ZFYVE9: variants seen among roughly 807,000 people sequenced by gnomAD.
ZFYVE9 encodes zinc finger FYVE domain-containing protein 9.
ZFYVE9 carries 43 observed loss-of-function variants against 126.7 expected under a neutral mutation model. The ratio of observed to expected loss-of-function variants is 0.34; its 90% CI spans 0.27 to 0.44. ZFYVE9 has a LOEUF of 0.44. Ranked by LOEUF, ZFYVE9 falls within the 20% of genes least tolerant of loss-of-function variation. ZFYVE9 has a pLI of 1.00. For missense variants in ZFYVE9, 1,476 were observed against 1,697.0 expected (o/e 0.87, Z 2.29); for synonymous variants, 521 against 597.4 (o/e 0.87, Z 1.87).
chr1:52,316,165 CAAAAAAAA>C (rs367815611), intron 13 of ZFYVE9, among the ~76,000 whole-genome samples: 5 of 39,218 alleles, frequency 1.3e-4, no homozygotes, highest in Non-Finnish European at 2.2e-4. Flanking sequence ...AACTCCATCT[CAAAAAAAA>C]AAAAAAAAAA....
intron 2 of ZFYVE9, among the ~76,000 whole-genome samples, chr1:52,232,419 G>A (rs138116022): frequency 3.3e-5 from 5 of 152,066 alleles, no homozygotes; most frequent in Admixed American, 2.0e-4. Flanking sequence ...AATGGTACTC[G>A]AAGAGGGTTA....
chr1:52,274,346 C>A, intron 7 of ZFYVE9, 118 bp from the exon 8 acceptor site: 3 of 1,264,848 alleles, frequency 2.4e-6, no homozygotes, highest in Non-Finnish European at 3.2e-6. Flanking sequence ...TTTTGTGCTA[C>A]CTTTCAAAAA....
intron 13 of ZFYVE9, among the ~76,000 whole-genome samples, chr1:52,324,030 GC>G (rs1264564549): frequency 1.3e-5 from 2 of 151,142 alleles, no homozygotes; most frequent in Non-Finnish European, 2.9e-5. Flanking sequence ...TTGCACTCCA[GC>G]CTGGGCAACA....
intron 1 of ZFYVE9, among the ~76,000 whole-genome samples, chr1:52,161,285 GTATTT>G (rs1268937701): frequency 1.3e-5 from 2 of 152,022 alleles, no homozygotes; most frequent in East Asian, 1.9e-4. Context: ...TTTGACAGAT[GTATTT>G]TATTTTATTT....
intron 3 of ZFYVE9, among the ~76,000 whole-genome samples, chr1:52,236,800 C>T (rs1379569914): frequency 6.6e-6 from 1 of 152,116 alleles, no homozygotes; most frequent in Non-Finnish European, 1.5e-5. Flanking sequence ...CTTTTTTTAA[C>T]ATGTGTTGGG....
chr1:52,181,644 C>T (rs1323013756), intron 1 of ZFYVE9, among the ~76,000 whole-genome samples: 1 of 151,938 alleles, frequency 6.6e-6, no homozygotes. Flanking sequence ...TGAGGAGCGC[C>T]TCTTCCCGGC....
chr1:52,211,610 C>T (rs1199487283), intron 1 of ZFYVE9, among the ~76,000 whole-genome samples: 1 of 152,114 alleles, frequency 6.6e-6, no homozygotes, highest in East Asian at 1.9e-4. Flanking sequence ...GAGGCTGAGG[C>T]CGGAGGAACA....
At chr1:52,225,282 A>G (rs1645159605) in intron 2 of ZFYVE9, among the ~76,000 whole-genome samples, 1 of 152,206 alleles carries the variant, frequency 6.6e-6, no homozygotes, top group South Asian at 2.1e-4. Context: ...TGGGGCCACC[A>G]CAACGAGGCA....
chr1:52,271,157 G>A (rs1645688351), intron 7 of ZFYVE9, among the ~76,000 whole-genome samples: 1 of 152,088 alleles, frequency 6.6e-6, no homozygotes, highest in Admixed American at 6.6e-5. Context: ...TGTATGATGG[G>A]TTCTTAAACT....
At chr1:52,312,928 A>G (rs1243583216) in intron 13 of ZFYVE9, among the ~76,000 whole-genome samples, 1 of 152,220 alleles carries the variant, frequency 6.6e-6, no homozygotes, top group Non-Finnish European at 1.5e-5. Context: ...AAGGTAATCA[A>G]GTTTAAATGA....
At chr1:52,328,055 G>C (rs757556421) in intron 13 of ZFYVE9, among the ~76,000 whole-genome samples, 23 of 152,082 alleles carry the variant, frequency 1.5e-4, no homozygotes, top group Non-Finnish European at 2.9e-4. Flanking sequence ...TCAGGAAGTA[G>C]TCCTACATGT....
intron 11 of ZFYVE9, among the ~76,000 whole-genome samples, chr1:52,294,979 G>A (rs1187712701): frequency 6.6e-6 from 1 of 152,210 alleles, no homozygotes; most frequent in East Asian, 1.9e-4. Flanking sequence ...GGCCAAGGCA[G>A]GCAGATCATT....
chr1:52,202,698 T>G (rs1644935325), intron 1 of ZFYVE9, among the ~76,000 whole-genome samples: 1 of 152,040 alleles, frequency 6.6e-6, no homozygotes, highest in Non-Finnish European at 1.5e-5. Flanking sequence ...ATTTATTTAT[T>G]TTTTTGAGAT....
chr1:52,316,297 C>G (rs1454350828), intron 13 of ZFYVE9, among the ~76,000 whole-genome samples: 1 of 151,412 alleles, frequency 6.6e-6, no homozygotes, highest in African/African-American at 2.4e-5. Flanking sequence ...ACCAGCCTGG[C>G]CAACATGGTG....
At position 52,328,301 on chromosome 1, in the gene ZFYVE9, A is replaced by G. The variant is rs575707736; in HGVS notation, c.3439-4467A>G. On this transcript the variant is annotated intron_variant, in intron 13 of 18. Coordinates refer to ENST00000287727, the MANE Select transcript of ZFYVE9 (RefSeq NM_004799.4). ...AATTAGGCCTTGAACTATGGTGAAA[A>G]TAGGTATAGATACAAGAACATTACA... Among the ~76,000 whole-genome samples the G allele has an allele frequency of 2.6e-5, 4 of 152,346 alleles. No individual in the cohort carries two copies. In the East Asian group the frequency reaches 7.7e-4, roughly 29 times the overall value.
chr1:52,323,867 C>T (rs1207857031), intron 13 of ZFYVE9, among the ~76,000 whole-genome samples: 4 of 138,232 alleles, frequency 2.9e-5, no homozygotes, highest in South Asian at 2.3e-4. Flanking sequence ...CCCTGACTAA[C>T]GTGGTGAAAC....
At chr1:52,266,607 C>T (rs1221046872) in intron 5 of ZFYVE9, 48 bp from the exon 6 acceptor site, 3 of 1,486,034 alleles carry the variant, frequency 2.0e-6, no homozygotes, top group Non-Finnish European at 2.7e-6. Flanking sequence ...GTCTTGATGT[C>T]CATATTTTGC....
chr1:52,186,942 C>A (rs1357380672), intron 1 of ZFYVE9, among the ~76,000 whole-genome samples: 1 of 152,136 alleles, frequency 6.6e-6, no homozygotes, highest in Non-Finnish European at 1.5e-5. Flanking sequence ...CTATCAATGG[C>A]ATTCTACACA....
At chr1:52,249,189 T>A (rs151228756) in intron 4 of ZFYVE9, among the ~76,000 whole-genome samples, 1 of 152,344 alleles carries the variant, frequency 6.6e-6, no homozygotes, top group African/African-American at 2.4e-5. Flanking sequence ...CTTCCAGTCA[T>A]GTTCCCTGTT....
Sources: allele counts gnomAD v4.1 joint callset (sites outside exome capture counted in the v4.1 genomes callset), GRCh38; gene constraint gnomAD v4.1.1; transcripts MANE v1.5; gene names NCBI Gene and HGNC (gene_info 2026-07-23, HGNC 2026-07-21).